NCOA3: variants seen among roughly 807,000 people sequenced by gnomAD.
The protein encoded by NCOA3 is nuclear receptor coactivator 3.
Under a neutral mutation model 158.8 loss-of-function variants are expected in NCOA3, and 51 were observed. The ratio of observed to expected loss-of-function variants is 0.32; its 90% CI spans 0.26 to 0.41. NCOA3 has a LOEUF of 0.41. NCOA3 is among the 10% of genes least tolerant of loss of function. NCOA3 has a pLI of 1.00. For synonymous variants in NCOA3, 537 were observed against 592.4 expected (o/e 0.91, Z 1.36); for missense variants, 1,510 against 1,746.6 (o/e 0.86, Z 2.41).
chr20:47,592,634 A>G (rs2085664676), intron 2 of NCOA3, among the ~76,000 whole-genome samples: 1 of 152,234 alleles, frequency 6.6e-6, no homozygotes, highest in Admixed American at 6.5e-5. Flanking sequence ...TTGATTGTTT[A>G]CAAACTACAG....
chr20:47,638,832 C>T (rs1272511216), intron 13 of NCOA3, among the ~76,000 whole-genome samples, 176 bp from the exon 14 acceptor site: 18 of 18,560 alleles, frequency 9.7e-4, no homozygotes, highest in Non-Finnish European at 1.3e-3. Context: ...GGCAGGGGGG[C>T]GGGGGGTGGC....
intron 1 of NCOA3, among the ~76,000 whole-genome samples, chr20:47,517,445 C>CTTT (rs1186569608): frequency 3.5e-5 from 5 of 142,236 alleles, no homozygotes; most frequent in African/African-American, 1.4e-4. Context: ...TTTCTTTTTT[C>CTTT]TTTTTCTTTT....
chr20:47,537,662 C>T (rs955750218), intron 1 of NCOA3, among the ~76,000 whole-genome samples: 1 of 146,458 alleles, frequency 6.8e-6, no homozygotes, highest in East Asian at 2.0e-4. Flanking sequence ...TCACTGGAAC[C>T]TCTGCCTCCC....
At chr20:47,602,432 A>G (rs1440458436) in intron 2 of NCOA3, among the ~76,000 whole-genome samples, 2 of 152,194 alleles carry the variant, frequency 1.3e-5, no homozygotes, top group Non-Finnish European at 2.9e-5. Flanking sequence ...AATTGTGATA[A>G]TTCAAAAAGA....
Position 47,505,141 on chromosome 20 carries a change from A to G in NCOA3, c.-99+3122A>G, listed in dbSNP as rs527532737. On this transcript the variant is annotated intron_variant, in intron 1 of 22. Coordinates refer to ENST00000371998, the MANE Select transcript of NCOA3 (RefSeq NM_181659.3). The stretch of plus-strand genomic sequence containing the variant: ...CAGCGGCGCGATCTTGGCTCACTGC[A>G]ACCTCTGCCTCCTGGGTTCAAGCAA... 8.4e-5 allele frequency among the ~76,000 whole-genome samples: 12 copies of G among 143,154 alleles called. No individual in the cohort carries two copies. The South Asian group carries it at 1.4e-3, about 16-fold the overall frequency. The allele number at this position is 143,154 out of a possible 152,430, so 93.9% of individuals were successfully genotyped here. A position where few individuals can be genotyped will look rare whatever the true frequency, so the allele number is the denominator to read the frequency against.
chr20:47,649,133 A>G (rs761071433), intron 19 of NCOA3, 24 bp downstream of exon 19: 2 of 1,496,478 alleles, frequency 1.3e-6, no homozygotes, highest in Non-Finnish European at 1.9e-6. Context: ...GCCTCTCCAC[A>G]TGCATTGCTC....
intron 1 of NCOA3, among the ~76,000 whole-genome samples, chr20:47,506,148 G>T (rs796834834): frequency 6.6e-6 from 1 of 152,082 alleles, no homozygotes; most frequent in Admixed American, 6.6e-5. Flanking sequence ...TTGGGGAGGG[G>T]TTACAAAATA....
In NCOA3 at chr20:47,604,935, C is replaced by T. The variant is rs148348843; in HGVS notation, c.-19-17294C>T. On this transcript the variant is annotated intron_variant, in intron 2 of 22. Transcript: ENST00000371998. ...AGGCTGGAGTGCAGTGGCGAGATCT[C>T]GGCTCACTGCAACCTTCACCTCCAA... Among the ~76,000 whole-genome samples the T allele has an allele frequency of 7.3e-3, 1,112 of 152,078 alleles. 22 individuals carry two copies. Among genetic ancestry groups the T allele is most frequent in the African/African-American group, 0.025 (1,047 of 41,486 alleles).
At chr20:47,508,736 C>G (rs770359825) in intron 1 of NCOA3, among the ~76,000 whole-genome samples, 3 of 152,126 alleles carry the variant, frequency 2.0e-5, no homozygotes, top group Non-Finnish European at 4.4e-5. Context: ...CAAAACAGAA[C>G]TTTGATTAAA....
intron 2 of NCOA3, among the ~76,000 whole-genome samples, chr20:47,616,933 AG>A (rs2086149092): frequency 6.6e-6 from 1 of 152,174 alleles, no homozygotes; most frequent in Non-Finnish European, 1.5e-5. Flanking sequence ...AGAATTAAGA[AG>A]GGACTCTATG....
intron 1 of NCOA3, among the ~76,000 whole-genome samples, chr20:47,525,738 G>T (rs1206878): frequency 1.4e-5 from 1 of 71,032 alleles, no homozygotes; most frequent in Non-Finnish European, 2.7e-5. Flanking sequence ...CCATCCCGGA[G>T]GGGGCGGCTG....
At chr20:47,582,698 T>G (rs957760403) in intron 1 of NCOA3, among the ~76,000 whole-genome samples, 3 of 152,156 alleles carry the variant, frequency 2.0e-5, no homozygotes, top group African/African-American at 7.2e-5. Context: ...GAAGTAGTGA[T>G]TATATGGTAC....
At chr20:47,550,398 C>T (rs990336964) in intron 1 of NCOA3, among the ~76,000 whole-genome samples, 11 of 138,438 alleles carry the variant, frequency 7.9e-5, no homozygotes, top group South Asian at 2.4e-4. Flanking sequence ...GAGCTGAGAT[C>T]GTGCCATTGC....
intron 1 of NCOA3, among the ~76,000 whole-genome samples, chr20:47,540,353 C>T (rs1305795505): frequency 6.6e-6 from 1 of 152,084 alleles, no homozygotes; most frequent in Non-Finnish European, 1.5e-5. Context: ...GAGGGTGGAT[C>T]ATCTGAGGTC....
At chr20:47,623,735 C>T (rs2086277508) in intron 3 of NCOA3, among the ~76,000 whole-genome samples, 176 bp from the exon 4 acceptor site, 1 of 151,804 alleles carries the variant, frequency 6.6e-6, no homozygotes, top group African/African-American at 2.4e-5. Context: ...TTGCATTGAG[C>T]CAAAGTCGCA....
chr20:47,572,884 T>G (rs13036927), intron 1 of NCOA3, among the ~76,000 whole-genome samples: 1 of 152,130 alleles, frequency 6.6e-6, no homozygotes, highest in Non-Finnish European at 1.5e-5. Context: ...TTCTTCCTTT[T>G]ACTTACTTGA....
At chr20:47,588,607 G>A (rs370610879) in intron 2 of NCOA3, among the ~76,000 whole-genome samples, 1 of 152,096 alleles carries the variant, frequency 6.6e-6, no homozygotes, top group East Asian at 1.9e-4. Context: ...TATACAAAAG[G>A]CATACATTGC....
chr20:47,627,268 G>A (rs1045381020), intron 6 of NCOA3, 92 bp downstream of exon 6: 56 of 1,057,502 alleles, frequency 5.3e-5, no homozygotes, highest in Non-Finnish European at 6.1e-5. Context: ...GAAGTCAAGC[G>A]ATCAAATGAG....
At chr20:47,647,897 G>T (rs6122602) in intron 18 of NCOA3, among the ~76,000 whole-genome samples, 14,333 of 94,800 alleles carry the variant, frequency 0.15, 833 homozygotes, top group East Asian at 0.24. Context: ...TTTTTTTTTT[G>T]TTTGTTTGTT....
Sources: allele counts gnomAD v4.1 joint callset (sites outside exome capture counted in the v4.1 genomes callset), GRCh38; gene constraint gnomAD v4.1.1; transcripts MANE v1.5; gene names NCBI Gene and HGNC (gene_info 2026-07-23, HGNC 2026-07-21).